Variants in GABRB1 observed in about 807,000 individuals in gnomAD.
GABRB1 encodes the protein gamma-aminobutyric acid type A receptor subunit beta1, also known as gamma-aminobutyric acid receptor subunit beta-1.
A neutral mutation model predicts 51.6 loss-of-function variants in GABRB1; 17 were observed. The ratio of observed to expected loss-of-function variants is 0.33; its 90% CI spans 0.23 to 0.49. The LOEUF (loss-of-function observed/expected upper bound fraction) is 0.49, where lower values mean the gene tolerates loss of function less well. GABRB1 is among the 20% of genes least tolerant of loss of function. The probability of loss-of-function intolerance (pLI) is 0.99; values close to 1 mark genes in which losing one functional copy is unlikely to be tolerated. For missense variants in GABRB1, 410 were observed against 600.6 expected (o/e 0.68, Z 3.32); for synonymous variants, 247 against 218.9 (o/e 1.13, Z -1.14).
At chr4:47,319,623 A>G (rs1725003933) in intron 4 of GABRB1, among the ~76,000 whole-genome samples, 1 of 152,222 alleles carries the variant, frequency 6.6e-6, no homozygotes, top group Middle Eastern at 3.2e-3. Flanking sequence ...ATCTAATTCC[A>G]TCAGGGATAT....
chr4:47,006,939 G>A (rs1322765812), intron 1 of GABRB1, among the ~76,000 whole-genome samples: 1 of 152,108 alleles, frequency 6.6e-6, no homozygotes, highest in African/African-American at 2.4e-5. Flanking sequence ...TGGATCGCTA[G>A]AGCTCAGGAG....
At chr4:47,226,308 T>C (rs1324044518) in intron 4 of GABRB1, among the ~76,000 whole-genome samples, 1 of 152,122 alleles carries the variant, frequency 6.6e-6, no homozygotes, top group Non-Finnish European at 1.5e-5. Context: ...TAAAATAAGG[T>C]ATCAAGGAAT....
intron 4 of GABRB1, among the ~76,000 whole-genome samples, chr4:47,199,715 C>T (rs918991800): frequency 6.6e-6 from 1 of 152,118 alleles, no homozygotes; most frequent in Non-Finnish European, 1.5e-5. Context: ...TGCAAGTTCT[C>T]TTTTAATGTA....
chr4:47,112,146 T>C (rs1384241775), intron 3 of GABRB1, among the ~76,000 whole-genome samples: 1 of 151,838 alleles, frequency 6.6e-6, no homozygotes, highest in African/African-American at 2.4e-5. Flanking sequence ...ATTTTTTTTG[T>C]TTTTTCTTGT....
chr4:47,178,364 C>T (rs1444941480), intron 4 of GABRB1, among the ~76,000 whole-genome samples: 1 of 152,060 alleles, frequency 6.6e-6, no homozygotes, highest in Non-Finnish European at 1.5e-5. Flanking sequence ...CTCTCATGGT[C>T]CTTATAGAAT....
intron 3 of GABRB1, among the ~76,000 whole-genome samples, chr4:47,042,923 G>A (rs1385248804): frequency 6.6e-6 from 1 of 151,754 alleles, no homozygotes; most frequent in Non-Finnish European, 1.5e-5. Flanking sequence ...GTTTTAAAAT[G>A]TCAACTTTTG....
chr4:47,078,309 A>G (rs1217954205), intron 3 of GABRB1, among the ~76,000 whole-genome samples: 1 of 152,050 alleles, frequency 6.6e-6, no homozygotes, highest in African/African-American at 2.4e-5. Context: ...TTTATCAGTC[A>G]TTGGAAAAAT....
chr4:47,188,782 C>A (rs939781557), intron 4 of GABRB1, among the ~76,000 whole-genome samples: 6 of 151,864 alleles, frequency 4.0e-5, no homozygotes, highest in African/African-American at 7.2e-5. Flanking sequence ...AGAAAATATT[C>A]AAACTTCCTT....
chr4:47,308,502 A>G (rs1159331912), intron 4 of GABRB1, among the ~76,000 whole-genome samples: 2 of 152,032 alleles, frequency 1.3e-5, no homozygotes, highest in African/African-American at 2.4e-5. Context: ...GCATAAAGCT[A>G]TTGTTCTCAA....
chr4:47,203,076 G>A (rs1248290295), intron 4 of GABRB1, among the ~76,000 whole-genome samples: 1 of 152,132 alleles, frequency 6.6e-6, no homozygotes, highest in Non-Finnish European at 1.5e-5. Flanking sequence ...GAAAAGTGCT[G>A]GCCCTGTAGG....
chr4:47,032,741 A>C (rs1345370282), intron 3 of GABRB1: 7 of 687,400 alleles, frequency 1.0e-5, no homozygotes, highest in Non-Finnish European at 2.7e-6. Context: ...TGCGCCGTGG[A>C]TCTGCTGGGG....
At chr4:47,018,526 C>A (rs1377628326) in intron 1 of GABRB1, among the ~76,000 whole-genome samples, 1 of 152,052 alleles carries the variant, frequency 6.6e-6, no homozygotes, top group Non-Finnish European at 1.5e-5. Context: ...GGGGCCCTCA[C>A]CCCCCAGGCA....
chr4:47,244,807 A>G (rs1007027018), intron 4 of GABRB1, among the ~76,000 whole-genome samples: 5 of 152,204 alleles, frequency 3.3e-5, no homozygotes, highest in Non-Finnish European at 7.3e-5. Context: ...GAGAACAAGG[A>G]CACAACATAC....
intron 2 of GABRB1, 116 bp from the exon 3 acceptor site, chr4:47,032,301 G>A (rs28750322): frequency 6.3e-5 from 61 of 967,472 alleles, no homozygotes; most frequent in Admixed American, 3.4e-4. Flanking sequence ...GGGGTGGTGG[G>A]GGGAGCAGGG....
At chr4:47,147,479 G>A (rs1172684014) in intron 3 of GABRB1, among the ~76,000 whole-genome samples, 1 of 152,064 alleles carries the variant, frequency 6.6e-6, no homozygotes, top group Non-Finnish European at 1.5e-5. Flanking sequence ...CCACTAGACG[G>A]CAGGCCCTGC....
intron 4 of GABRB1, among the ~76,000 whole-genome samples, chr4:47,267,763 C>G (rs972003856): frequency 2.0e-5 from 3 of 151,854 alleles, no homozygotes; most frequent in African/African-American, 7.3e-5. Context: ...CCATTGCACT[C>G]CAGCCTGGGT....
chr4:47,334,852 T>C (rs1351181373), intron 5 of GABRB1, among the ~76,000 whole-genome samples: 1 of 152,170 alleles, frequency 6.6e-6, no homozygotes, highest in Admixed American at 6.6e-5. Context: ...ATTGTGGGCG[T>C]TTCTCATGAT....
chr4:47,408,674 A>G (rs1728657742), intron 8 of GABRB1, among the ~76,000 whole-genome samples: 2 of 152,226 alleles, frequency 1.3e-5, no homozygotes, highest in African/African-American at 4.8e-5. Flanking sequence ...GGACACAGTT[A>G]GTTTGAGGTG....
intron 3 of GABRB1, among the ~76,000 whole-genome samples, chr4:47,103,447 G>A (rs1370892939): frequency 6.6e-6 from 1 of 151,872 alleles, no homozygotes; most frequent in Non-Finnish European, 1.5e-5. Flanking sequence ...CACTTTTTGT[G>A]TAAAAACTGG....
Sources: allele counts gnomAD v4.1 joint callset (sites outside exome capture counted in the v4.1 genomes callset), GRCh38; gene constraint gnomAD v4.1.1; transcripts MANE v1.5; gene names NCBI Gene and HGNC (gene_info 2026-07-23, HGNC 2026-07-21).